Variants in TRDN observed in about 807,000 individuals in gnomAD.
TRDN encodes the protein triadin, also known as triadin in skeletal muscle.
A neutral mutation model predicts 149.7 loss-of-function variants in TRDN; 161 were observed. The observed-to-expected ratio is 1.08, with a 90% confidence interval of 0.95 to 1.23. TRDN has a LOEUF of 1.23. TRDN is among the 50% of genes most tolerant of loss of function. The pLI is 0.00. For missense variants in TRDN, 896 were observed against 823.5 expected, an observed-to-expected ratio of 1.09 and a Z score of -1.08; for synonymous variants, 294 against 250.5, an observed-to-expected ratio of 1.17 and a Z score of -1.64.
chr6:123,529,514 A>C, intron 5 of TRDN: 1 of 693,442 alleles, frequency 1.4e-6, no homozygotes, highest in Non-Finnish European at 2.5e-6. Context: ...CACATGAAGT[A>C]TATTTTAAAA....
chr6:123,576,369 G>A (rs977879387), intron 1 of TRDN, among the ~76,000 whole-genome samples: 12 of 151,982 alleles, frequency 7.9e-5, no homozygotes, highest in Admixed American at 3.9e-4. Flanking sequence ...TTTTCTCCCA[G>A]GTTTTTGGGA....
chr6:123,463,867 C>T (rs887934359), intron 10 of TRDN, among the ~76,000 whole-genome samples: 1 of 151,944 alleles, frequency 6.6e-6, no homozygotes, highest in African/African-American at 2.4e-5. Context: ...TGGATGAATC[C>T]TCATGAGTGT....
intron 12 of TRDN, among the ~76,000 whole-genome samples, chr6:123,398,152 C>G (rs527499346): frequency 6.6e-6 from 1 of 152,288 alleles, no homozygotes; most frequent in African/African-American, 2.4e-5. Context: ...TTACAGGCGT[C>G]CGCCACTGCG....
At chr6:123,268,972 C>T (rs2114609100) in intron 31 of TRDN, among the ~76,000 whole-genome samples, 1 of 151,884 alleles carries the variant, frequency 6.6e-6, no homozygotes, top group Middle Eastern at 3.4e-3. Flanking sequence ...TAGCCTAAAC[C>T]ACTTATATGT....
In TRDN at chr6:123,585,050, G is replaced by A. The variant is rs530082127; in HGVS notation, c.23-13918C>T. Reference sequence around the variant, plus strand: ...GTGGGATGGGATATTGGCATTGATTGGAGTAAGGGTGATTAGGTTTTAATG... The same window carrying A: ...GTGGGATGGGATATTGGCATTGATTAGAGTAAGGGTGATTAGGTTTTAATG... On this transcript the variant is annotated intron_variant, in intron 1 of 40. Coordinates refer to ENST00000334268, the MANE Select transcript of TRDN (RefSeq NM_006073.4). 2.6e-5 allele frequency among the ~76,000 whole-genome samples: 4 copies of A among 151,202 alleles called. No individual in the cohort carries two copies. In the South Asian group the frequency reaches 6.3e-4, roughly 24 times the overall value.
intron 24 of TRDN, among the ~76,000 whole-genome samples, chr6:123,292,563 C>T (rs545781156): frequency 6.6e-6 from 1 of 152,228 alleles, no homozygotes; most frequent in Admixed American, 6.5e-5. Context: ...AAAATAGCTC[C>T]CCTGTTTAGC....
chr6:123,585,372 A>G (rs9490817), intron 1 of TRDN, among the ~76,000 whole-genome samples: 10,920 of 151,976 alleles, frequency 0.072, 529 homozygotes, highest in African/African-American at 0.13. Flanking sequence ...AAGCCTGGCC[A>G]TCAATACCCA....
At chr6:123,258,938 G>C (rs927152768) in intron 35 of TRDN, among the ~76,000 whole-genome samples, 4 of 152,126 alleles carry the variant, frequency 2.6e-5, no homozygotes, top group African/African-American at 9.7e-5. Flanking sequence ...GGTGTTTATA[G>C]TATTCTCTGA....
Position 123,636,785 on chromosome 6 carries a change from C to A in TRDN, c.-10G>T. ...CAGTGATCTCAGTCATGGTGGTCGT[C>A]AAAAGTAAAAGTCAGTTGAAAAGTT... is the stretch of plus-strand genomic sequence containing the variant. On this transcript the variant is annotated 5_prime_UTR_variant, in exon 1 of 41. Coordinates refer to ENST00000334268, the MANE Select transcript of TRDN (RefSeq NM_006073.4). 6.2e-7 allele frequency: 1 copy of A among 1,611,394 alleles called. No individual in the cohort carries two copies. Among genetic ancestry groups the A allele is most frequent in the South Asian group, 1.1e-5 (1 of 90,990 alleles).
intron 1 of TRDN, among the ~76,000 whole-genome samples, chr6:123,583,624 T>C (rs1783252857): frequency 6.6e-6 from 1 of 151,872 alleles, no homozygotes; most frequent in Non-Finnish European, 1.5e-5. Context: ...AGCTTGTCTG[T>C]TATCAGACTG....
chr6:123,464,823 TTGTGACTATTTTTGTTGTTGC>T, intron 10 of TRDN, 62 bp downstream of exon 10: 2 of 1,523,584 alleles, frequency 1.3e-6, no homozygotes, highest in Middle Eastern at 2.0e-4. Context: ...TGCTGTTTCT[TTGTGACTATTTTTGTTGTTGC>T]TGTTCCTCTA....
chr6:123,366,643 G>A (rs949592870), intron 19 of TRDN, among the ~76,000 whole-genome samples: 2 of 151,970 alleles, frequency 1.3e-5, no homozygotes, highest in African/African-American at 2.4e-5. Context: ...CCAGCCTCCC[G>A]AGTAGCTGGG....
At chr6:123,625,383 G>C (rs1445137514) in intron 1 of TRDN, among the ~76,000 whole-genome samples, 2 of 151,954 alleles carry the variant, frequency 1.3e-5, no homozygotes, top group East Asian at 3.9e-4. Context: ...GTATATAAAA[G>C]TTATGTCTGC....
At chr6:123,244,657 T>C (rs906892783) in intron 38 of TRDN, among the ~76,000 whole-genome samples, 1 of 152,156 alleles carries the variant, frequency 6.6e-6, no homozygotes, top group East Asian at 1.9e-4. Context: ...TGGAACCAAG[T>C]TGGAAAACAC....
At chr6:123,453,500 T>C (rs1197652084) in intron 10 of TRDN, among the ~76,000 whole-genome samples, 1 of 151,704 alleles carries the variant, frequency 6.6e-6, no homozygotes, top group African/African-American at 2.4e-5. Flanking sequence ...AACAAAAATA[T>C]GAAAAAATGC....
At chr6:123,511,989 A>ATTTTTTT (rs58869649) in intron 7 of TRDN, among the ~76,000 whole-genome samples, 2 of 141,296 alleles carry the variant, frequency 1.4e-5, no homozygotes, top group Admixed American at 7.1e-5. Flanking sequence ...TGCCTCTGCA[A>ATTTTTTT]TTTTTTTTTT....
At chr6:123,571,940 C>T (rs1782603068) in intron 1 of TRDN, among the ~76,000 whole-genome samples, 1 of 152,036 alleles carries the variant, frequency 6.6e-6, no homozygotes, top group East Asian at 1.9e-4. Flanking sequence ...CAGAAATTTT[C>T]TCAGCACATA....
Position 123,443,678 on chromosome 6 carries a change from T to C in TRDN, c.932-4675A>G, listed in dbSNP as rs548977313. On this transcript the variant is annotated intron_variant, in intron 10 of 40. Coordinates refer to ENST00000334268, the MANE Select transcript of TRDN (RefSeq NM_006073.4). ...GTCAAACGTTTAAGTCTTTAATCCA[T>C]CTTGAATTGATTTTTGTATAAGGTG... Among the ~76,000 whole-genome samples, 8 of 151,684 alleles carry C rather than the reference T, an allele frequency of 5.3e-5. No homozygotes were observed. The South Asian group carries it at 1.5e-3, about 28-fold the overall frequency.
intron 1 of TRDN, among the ~76,000 whole-genome samples, chr6:123,578,459 G>T (rs918633396): frequency 2.0e-5 from 3 of 152,010 alleles, no homozygotes; most frequent in Admixed American, 6.6e-5. Context: ...AAGATCAGAG[G>T]GTCGTAGGTA....
Sources: allele counts gnomAD v4.1 joint callset (sites outside exome capture counted in the v4.1 genomes callset), GRCh38; gene constraint gnomAD v4.1.1; transcripts MANE v1.5; gene names NCBI Gene and HGNC (gene_info 2026-07-23, HGNC 2026-07-21).